Variants in TSHZ2 observed in about 807,000 individuals in gnomAD.
The protein encoded by TSHZ2 is teashirt homolog 2.
TSHZ2 carries 21 observed loss-of-function variants against 74.4 expected under a neutral mutation model. The observed-to-expected ratio is 0.28, with a 90% CI of 0.20 to 0.41. The LOEUF (loss-of-function observed/expected upper bound fraction) is 0.41, where lower values mean the gene tolerates loss of function less well. TSHZ2 is among the 10% of genes least tolerant of loss of function. TSHZ2 has a pLI of 1.00. For synonymous variants in TSHZ2, 540 were observed against 515.3 expected, an observed-to-expected ratio of 1.05 and a Z score of -0.65; for missense variants, 1,244 against 1,293.5, an observed-to-expected ratio of 0.96 and a Z score of 0.59.
At chr20:52,996,275 G>A (rs146926520) in intron 1 of TSHZ2, among the ~76,000 whole-genome samples, 2 of 151,790 alleles carry the variant, frequency 1.3e-5, no homozygotes, top group African/African-American at 2.4e-5. Context: ...TTTGCTTAAG[G>A]CCGAAAGTTC....
chr20:53,378,380 T>G (rs925917646), intron 2 of TSHZ2, among the ~76,000 whole-genome samples: 7 of 139,452 alleles, frequency 5.0e-5, no homozygotes, highest in African/African-American at 1.9e-4. Flanking sequence ...ATAATAATAA[T>G]AGAACCTAAT....
intron 2 of TSHZ2, among the ~76,000 whole-genome samples, chr20:53,431,259 C>T (rs1983839387): frequency 6.6e-6 from 1 of 152,068 alleles, no homozygotes; most frequent in African/African-American, 2.4e-5. Context: ...GAGTCCTAGA[C>T]CAGCCTGGCC....
intron 1 of TSHZ2, among the ~76,000 whole-genome samples, chr20:53,075,848 A>T (rs1259501898): frequency 6.6e-6 from 1 of 152,070 alleles, no homozygotes; most frequent in Non-Finnish European, 1.5e-5. Context: ...CATGGGAAGG[A>T]GTTTGGGCTG....
chr20:53,244,922 T>TGGATGACACATA (rs1990166127), intron 1 of TSHZ2, among the ~76,000 whole-genome samples: 1 of 152,234 alleles, frequency 6.6e-6, no homozygotes, highest in African/African-American at 2.4e-5. Context: ...TGCATTCTTA[T>TGGATGACACATA]GGATGACACA....
At chr20:53,024,958 C>T (rs569352365) in intron 1 of TSHZ2, among the ~76,000 whole-genome samples, 4 of 152,206 alleles carry the variant, frequency 2.6e-5, no homozygotes, top group East Asian at 3.9e-4. Context: ...AATAGACATA[C>T]GTGTGCATGT....
chr20:53,365,834 TCTC>T (rs11470741), intron 2 of TSHZ2, among the ~76,000 whole-genome samples: 5,947 of 152,244 alleles, frequency 0.039, 426 homozygotes, highest in African/African-American at 0.14. Flanking sequence ...TCCACTTCCT[TCTC>T]CACTGACTCA....
At chr20:53,457,216 T>C (rs1225762555) in intron 2 of TSHZ2, among the ~76,000 whole-genome samples, 2 of 146,028 alleles carry the variant, frequency 1.4e-5, no homozygotes, top group Admixed American at 1.4e-4. Context: ...CAGTTGTTTG[T>C]ATCCTCTTTT....
At chr20:53,157,406 G>GTTTTTT (rs369371699) in intron 1 of TSHZ2, among the ~76,000 whole-genome samples, 1 of 134,834 alleles carries the variant, frequency 7.4e-6, no homozygotes, top group African/African-American at 2.8e-5. Flanking sequence ...CATTGAGTTG[G>GTTTTTT]TTTTTTTTTT....
intron 2 of TSHZ2, among the ~76,000 whole-genome samples, chr20:53,321,697 A>AAAAAAAAAAAAG (rs1555850300): frequency 7.2e-4 from 101 of 140,508 alleles, no homozygotes; most frequent in South Asian, 1.6e-3. Flanking sequence ...AAAAAAAAAA[A>AAAAAAAAAAAAG]AAAGAAAGAC....
At chr20:52,978,769 C>T (rs751708583) in intron 1 of TSHZ2, among the ~76,000 whole-genome samples, 9 of 152,108 alleles carry the variant, frequency 5.9e-5, no homozygotes, top group South Asian at 4.2e-4. Context: ...AAGTTGAGAA[C>T]GCTTTTATAT....
rs532646908 is a variant in TSHZ2, at chr20:53,338,255, G to T, written c.*8+81684G>T. ...TGAAGGGTTTTAGTATAAAAAGAGT[G>T]ATGGGCTGGGTTGGAGGAGGATTTA... On this transcript the variant is annotated intron_variant, in intron 2 of 2. Transcript: ENST00000371497. Among the ~76,000 whole-genome samples, 29 of 152,290 alleles carry T rather than the reference G, an allele frequency of 1.9e-4. No individual in the cohort carries two copies. In the South Asian group the frequency reaches 6.0e-3, roughly 32 times the overall value.
intron 2 of TSHZ2, among the ~76,000 whole-genome samples, chr20:53,431,302 C>T (rs1308365430): frequency 6.6e-6 from 1 of 151,876 alleles, no homozygotes; most frequent in Non-Finnish European, 1.5e-5. Flanking sequence ...ACTAAAAATA[C>T]AAAATTAGCC....
At chr20:53,167,721 A>G (rs1485305917) in intron 1 of TSHZ2, among the ~76,000 whole-genome samples, 1 of 152,118 alleles carries the variant, frequency 6.6e-6, no homozygotes, top group Non-Finnish European at 1.5e-5. Context: ...GTGTGTTTGA[A>G]TGAGAGGTGC....
chr20:53,130,230 T>TAA (rs11475485), intron 1 of TSHZ2, among the ~76,000 whole-genome samples: 1 of 148,584 alleles, frequency 6.7e-6, no homozygotes, highest in Non-Finnish European at 1.5e-5. Context: ...AGCTAAAATT[T>TAA]AAAAAAAAAA....
chr20:53,105,844 G>A (rs577567425), intron 1 of TSHZ2, among the ~76,000 whole-genome samples: 2 of 152,000 alleles, frequency 1.3e-5, no homozygotes, highest in South Asian at 4.2e-4. Context: ...CTAGGGTTTT[G>A]CCATGTTGCA....
intron 1 of TSHZ2, among the ~76,000 whole-genome samples, chr20:53,246,036 C>CTTTTTTT (rs201257665): frequency 3.9e-5 from 5 of 126,768 alleles, no homozygotes; most frequent in African/African-American, 1.3e-4. Context: ...TTCTTTCTTT[C>CTTTTTTT]TTTCTTTTTT....
At chr20:53,048,478 C>G (rs1223559157) in intron 1 of TSHZ2, among the ~76,000 whole-genome samples, 1 of 152,240 alleles carries the variant, frequency 6.6e-6, no homozygotes, top group Non-Finnish European at 1.5e-5. Flanking sequence ...CTTTCTTTAG[C>G]ATCCACGTTC....
At chr20:53,016,599 C>T (rs569833393) in intron 1 of TSHZ2, among the ~76,000 whole-genome samples, 19 of 152,054 alleles carry the variant, frequency 1.2e-4, no homozygotes, top group African/African-American at 1.9e-4. Context: ...TTCCTTTTTA[C>T]GGTTTCCAGA....
At chr20:53,240,157 T>C (rs1990032328) in intron 1 of TSHZ2, among the ~76,000 whole-genome samples, 2 of 152,174 alleles carry the variant, frequency 1.3e-5, no homozygotes, top group South Asian at 4.1e-4. Context: ...TGTTCTTATA[T>C]GAAAATAGGA....
Sources: gnomAD v4.1 joint callset for allele counts (sites outside exome capture counted in the v4.1 genomes callset) on GRCh38, gnomAD v4.1.1 for gene constraint, MANE v1.5 for transcripts, NCBI Gene and HGNC (gene_info 2026-07-23, HGNC 2026-07-21) for gene names.